ABCB4: variants seen among roughly 807,000 people sequenced by gnomAD.
The protein encoded by ABCB4 is ATP binding cassette subfamily B member 4.
In ABCB4, 76 loss-of-function variants were observed where a neutral mutation model predicts 145.7. That is an observed-to-expected ratio of 0.52 (90% CI 0.43 to 0.63). ABCB4 has a LOEUF of 0.63. Ranked by LOEUF, ABCB4 falls within the 30% of genes least tolerant of loss-of-function variation. ABCB4 has a pLI of 0.00. For missense variants in ABCB4, 1,234 were observed against 1,553.1 expected (o/e 0.79, Z 3.45); for synonymous variants, 517 against 566.8 (o/e 0.91, Z 1.25).
At position 87,450,111 on chromosome 7, in the gene ABCB4, G is replaced by A. The variant is rs753597862; in HGVS notation, c.709-19C>T. On this transcript the variant is annotated intron_variant, in intron 7 of 27. Transcript: ENST00000649586. ...AGAGTATCTGGACAGAAAAGAAACAGTGATCACTTTTGTATAGGGAGAAAA... is the reference window on the plus strand; with the variant it reads ...AGAGTATCTGGACAGAAAAGAAACAATGATCACTTTTGTATAGGGAGAAAA... The A allele has an allele frequency of 3.7e-6, 6 of 1,613,632 alleles. No homozygotes were observed. Among genetic ancestry groups the A allele is most frequent in the Non-Finnish European group, 1.7e-6 (2 of 1,179,892 alleles).
intron 25 of ABCB4, among the ~76,000 whole-genome samples, chr7:87,407,821 T>G (rs181461548): frequency 7.2e-5 from 11 of 152,328 alleles, no homozygotes; most frequent in Middle Eastern, 3.4e-3. Context: ...ATTAAACTTA[T>G]ATTCAGTATT....
intron 3 of ABCB4, among the ~76,000 whole-genome samples, chr7:87,470,572 C>T (rs1051140117): frequency 1.3e-5 from 2 of 152,194 alleles, no homozygotes; most frequent in African/African-American, 4.8e-5. Context: ...TGAACAGACA[C>T]TCCTCAAAAG....
chr7:87,409,089 G>A, intron 24 of ABCB4, 147 bp downstream of exon 24: 1 of 951,860 alleles, frequency 1.1e-6, no homozygotes, highest in Non-Finnish European at 1.6e-6. Flanking sequence ...CAGTCAAGTT[G>A]CCCAAATATT....
At chr7:87,464,101 G>A (rs1479912795) in intron 3 of ABCB4, among the ~76,000 whole-genome samples, 5 of 152,122 alleles carry the variant, frequency 3.3e-5, no homozygotes, top group Non-Finnish European at 7.3e-5. Flanking sequence ...ACAGTTATTG[G>A]GAGAGAGGGT....
At chr7:87,429,791 C>T (rs1191026454) in intron 15 of ABCB4, among the ~76,000 whole-genome samples, 1 of 152,052 alleles carries the variant, frequency 6.6e-6, no homozygotes, top group East Asian at 1.9e-4. Context: ...CACCCTCTGG[C>T]ACATGCAAGC....
chr7:87,403,486 CT>C (rs1453738530), intron 26 of ABCB4: 1 of 571,210 alleles, frequency 1.8e-6, no homozygotes, highest in African/African-American at 1.9e-5. Context: ...TTATAATTAA[CT>C]TTCTTTAAAA....
chr7:87,368,292 C>G, the ABCB4 span, among the ~76,000 whole-genome samples: 1 of 152,188 alleles, frequency 6.6e-6, no homozygotes. Context: ...CCCTTTCCAA[C>G]CATTTATTGA....
intron 7 of ABCB4, 45 bp from the exon 8 acceptor site, chr7:87,450,137 G>A: frequency 6.2e-7 from 1 of 1,611,408 alleles, no homozygotes; most frequent in Non-Finnish European, 8.5e-7. Context: ...AGGGAGAAAA[G>A]TTTAAAGGCA....
intron 3 of ABCB4, among the ~76,000 whole-genome samples, chr7:87,467,767 A>T (rs1813028942): frequency 6.6e-6 from 1 of 152,232 alleles, no homozygotes; most frequent in Non-Finnish European, 1.5e-5. Flanking sequence ...AACTACATGG[A>T]AACTGAACAA....
chr7:87,392,833 T>C, the ABCB4 span: 2 of 1,611,642 alleles, frequency 1.2e-6, no homozygotes, highest in Non-Finnish European at 1.7e-6. Context: ...GGTAATATAG[T>C]GTAGTGTTTT....
intron 5 of ABCB4, among the ~76,000 whole-genome samples, chr7:87,454,327 AAG>A (rs1811967324): frequency 6.6e-6 from 1 of 152,242 alleles, no homozygotes; most frequent in Non-Finnish European, 1.5e-5. Context: ...GTGATTATGT[AAG>A]AAAATATCCT....
chr7:87,472,755 C>T (rs1270548556), intron 2 of ABCB4, 80 bp from the exon 3 acceptor site: 2 of 972,792 alleles, frequency 2.1e-6, no homozygotes, highest in Non-Finnish European at 3.2e-6. Context: ...TGTTTAGTTA[C>T]AATATTCAAC....
intron 2 of ABCB4, among the ~76,000 whole-genome samples, chr7:87,474,464 T>C (rs1315546904): frequency 2.0e-5 from 3 of 152,154 alleles, no homozygotes; most frequent in Non-Finnish European, 4.4e-5. Flanking sequence ...AATGCTTCAG[T>C]TTAAGCATCA....
At chr7:87,459,508 G>T (rs45437898) in intron 4 of ABCB4, among the ~76,000 whole-genome samples, 1 of 152,014 alleles carries the variant, frequency 6.6e-6, no homozygotes, top group East Asian at 1.9e-4. Context: ...ATATTCCATT[G>T]TATGTATCTA....
intron 19 of ABCB4, 127 bp downstream of exon 19, chr7:87,419,871 T>G: frequency 1.0e-6 from 1 of 979,386 alleles, no homozygotes; most frequent in Non-Finnish European, 1.7e-6. Context: ...TGCAGGACTC[T>G]GCCCCATCCT....
the ABCB4 span, among the ~76,000 whole-genome samples, chr7:87,383,188 G>A: frequency 6.6e-6 from 1 of 152,034 alleles, no homozygotes; most frequent in Non-Finnish European, 1.5e-5. Context: ...AACCTACTGT[G>A]CTATCGAACA....
chr7:87,467,550 A>T (rs1813006066), intron 3 of ABCB4, among the ~76,000 whole-genome samples: 1 of 152,238 alleles, frequency 6.6e-6, no homozygotes, highest in Non-Finnish European at 1.5e-5. Flanking sequence ...TGGACCTAAT[A>T]GACATCTACA....
intron 4 of ABCB4, among the ~76,000 whole-genome samples, chr7:87,456,928 A>G (rs944445185): frequency 6.6e-6 from 1 of 151,770 alleles, no homozygotes; most frequent in Non-Finnish European, 1.5e-5. Context: ...AAAAGAGCCT[A>G]CTCCTGGTCT....
chr7:87,422,154 C>A lies in ABCB4; in HGVS notation c.2283G>T (p.Leu761=). The A allele has an allele frequency of 6.2e-7, 1 of 1,613,062 alleles. No individual in the cohort carries two copies. The highest frequency in any genetic ancestry group is 8.5e-7 in the Non-Finnish European group (1 of 1,179,398). Residue 761 remains leucine, a synonymous_variant, in exon 18 of 28, where the codon CTG becomes CTT. Coordinates refer to ENST00000649586, the MANE Select transcript of ABCB4 (RefSeq NM_000443.4). ...AGAAAGTAAAAAAAGAAATAATTCC[C>A]AGAAATAAGAAAATCAAAGAGAATA... ...CNIFSLIFLF[L]GIISFFTFFL...
Sources: gnomAD v4.1 joint callset for allele counts (sites outside exome capture counted in the v4.1 genomes callset) on GRCh38, gnomAD v4.1.1 for gene constraint, MANE v1.5 for transcripts, NCBI Gene and HGNC (gene_info 2026-07-23, HGNC 2026-07-21) for gene names.